Variants in ITGA8 observed in about 807,000 individuals in gnomAD.
ITGA8 encodes the protein integrin alpha-8.
Under a neutral mutation model 142.3 loss-of-function variants are expected in ITGA8, and 91 were observed. The ratio of observed to expected loss-of-function variants is 0.64; its 90% CI spans 0.54 to 0.76. ITGA8 has a LOEUF of 0.76. Among genes scored for constraint, ITGA8 ranks in the 30% least tolerant of loss-of-function variants. The pLI is 0.00. For missense variants in ITGA8, 1,406 were observed against 1,327.7 expected (o/e 1.06, Z -0.92); for synonymous variants, 505 against 485.2 (o/e 1.04, Z -0.54).
intron 15 of ITGA8, among the ~76,000 whole-genome samples, chr10:15,613,206 C>CTAAAT (rs1564374644): frequency 1.6e-5 from 1 of 64,146 alleles, no homozygotes; most frequent in African/African-American, 5.7e-5. Context: ...AATAAATAAA[C>CTAAAT]AGGACATTAT....
intron 27 of ITGA8, among the ~76,000 whole-genome samples, chr10:15,536,165 C>A (rs1833431907): frequency 6.6e-6 from 1 of 152,128 alleles, no homozygotes; most frequent in Non-Finnish European, 1.5e-5. Context: ...GTCGGTGAGA[C>A]CAAGAACCCA....
chr10:15,572,137 A>T lies in ITGA8; in HGVS notation c.2637+74T>A, dbSNP rs1158455612. 9 of 1,292,334 alleles carry T rather than the reference A, an allele frequency of 7.0e-6. No homozygotes were observed. In the Admixed American group the frequency reaches 1.2e-4, roughly 17 times the overall value. The allele number at this position is 1,292,334 out of a possible 1,614,324, so 80.1% of individuals were successfully genotyped here. A position where few individuals can be genotyped will look rare whatever the true frequency, so the allele number is the denominator to read the frequency against. The stretch of plus-strand genomic sequence containing the variant: ...AAACGATTTCACTCTTCTTTTTTAA[A>T]CAAGCCCAGTTTGTATTTTTTTCAT... On this transcript the variant is annotated intron_variant, in intron 25 of 29. Transcript: ENST00000378076.
At chr10:15,654,633 G>A (rs1163323596) in intron 11 of ITGA8, among the ~76,000 whole-genome samples, 1 of 152,158 alleles carries the variant, frequency 6.6e-6, no homozygotes, top group Non-Finnish European at 1.5e-5. Flanking sequence ...TGCTTTCTGT[G>A]AAAATGTGAG....
intron 28 of ITGA8, 42 bp downstream of exon 28, chr10:15,531,008 C>A: frequency 9.6e-7 from 1 of 1,040,282 alleles, no homozygotes; most frequent in South Asian, 1.5e-5. Flanking sequence ...ACAATTATTT[C>A]AATTAAATTA....
At position 15,548,494 on chromosome 10, in the gene ITGA8, C is replaced by A. The variant is rs148943818; in HGVS notation, c.2841G>T (p.Leu947=). ...GRLEGGESAV[L]KVRSRLWAHT... ...GGGCCCATAATCGTGACCTGACTTTCAGGACTGCGCTTTCTCCTCCTTCGA... is the reference window on the plus strand; with the variant it reads ...GGGCCCATAATCGTGACCTGACTTTAAGGACTGCGCTTTCTCCTCCTTCGA... The change falls in exon 27 of 30, where the codon CTG becomes CTT. Residue 947 remains leucine, a synonymous_variant. Transcript: ENST00000378076. 3.8e-5 allele frequency: 61 copies of A among 1,603,724 alleles called. No homozygotes were observed. In the African/African-American group the frequency reaches 8.1e-4, roughly 21 times the overall value.
At position 15,635,729 on chromosome 10, in the gene ITGA8, G is replaced by T. The variant is rs1375605747; in HGVS notation, c.1399+8301C>A. ...TTAGTCAATAAAAACATAATGCTTG[G>T]CTTTTCACACAAAACTTGAGTAGCA... On this transcript the variant is annotated intron_variant, in intron 13 of 29. Transcript: ENST00000378076. Among the ~76,000 whole-genome samples the T allele has an allele frequency of 1.3e-5, 2 of 151,996 alleles. 1 individual carries two copies. Among genetic ancestry groups the T allele is most frequent in the African/African-American group, 4.8e-5 (2 of 41,352 alleles).
At chr10:15,534,102 G>T (rs562746955) in intron 27 of ITGA8, among the ~76,000 whole-genome samples, 1 of 151,934 alleles carries the variant, frequency 6.6e-6, no homozygotes, top group Non-Finnish European at 1.5e-5. Context: ...TAGAGTCAGG[G>T]TATCTCCATG....
rs1489328054 is a variant in ITGA8 at position 15,548,576 on chromosome 10, C to T, written c.2767-8G>A. 2.5e-6 allele frequency: 4 copies of T among 1,573,238 alleles called. No individual in the cohort carries two copies. The South Asian group carries it at 4.5e-5, about 18-fold the overall frequency. ...CTCGATATTTGTACAATTCTGCAAACAGCAGTGGGAACACGTCAGAGTCTT... is the reference window on the plus strand; with the variant it reads ...CTCGATATTTGTACAATTCTGCAAATAGCAGTGGGAACACGTCAGAGTCTT... On this transcript the variant is annotated splice_region_variant and splice_polypyrimidine_tract_variant and intron_variant, in intron 26 of 29. Transcript: ENST00000378076.
rs1346958729 is a variant in ITGA8, at chr10:15,592,251, G to A, written c.2265C>T (p.Ser755=). The change falls in exon 22 of 30, where the codon AGC becomes AGT. Residue 755 remains serine, a synonymous_variant. Coordinates refer to ENST00000378076, the MANE Select transcript of ITGA8 (RefSeq NM_003638.3). ...TTCTGATTTGGAGATCGAAGTTAAT[G>A]CTCATGTTTGTTTTCTCAAGACGTG... is the stretch of plus-strand genomic sequence containing the variant. The part of the protein sequence containing the change: ...AVPRLEKTNM[S]INFDLQIRSS... 2.5e-6 allele frequency: 4 copies of A among 1,613,588 alleles called. No individual in the cohort carries two copies. Among genetic ancestry groups the A allele is most frequent in the Non-Finnish European group, 3.4e-6 (4 of 1,179,664 alleles).
intron 14 of ITGA8, among the ~76,000 whole-genome samples, chr10:15,615,666 A>C (rs576098284): frequency 1.3e-5 from 2 of 152,234 alleles, no homozygotes; most frequent in African/African-American, 4.8e-5. Flanking sequence ...GGCGTGTACC[A>C]CCATGTCCGG....
rs9333133 is a variant in ITGA8 at position 15,655,095 on chromosome 10, C to CTT, written c.1001+258_1001+259insAA. Among the ~76,000 whole-genome samples, 141,274 of 152,184 alleles carry CTT rather than the reference C, an allele frequency of 0.93. 66,315 individuals carry two copies. The highest frequency in any genetic ancestry group is 1 in the Non-Finnish European group (67,817 of 68,032). ...GCTATGAATTTTGAATGGCTGAAGA[C>CTT]TATAAAATTAAAAATAAAACGAAAT... On this transcript the variant is annotated intron_variant, in intron 11 of 29. Transcript: ENST00000378076.
intron 27 of ITGA8, among the ~76,000 whole-genome samples, chr10:15,537,842 G>A (rs560180790): frequency 6.6e-6 from 1 of 152,118 alleles, no homozygotes; most frequent in Non-Finnish European, 1.5e-5. Context: ...AATTGGCTGG[G>A]CACAGTGTCT....
intron 28 of ITGA8, 116 bp downstream of exon 28, chr10:15,530,934 G>A (rs549785889): frequency 3.3e-6 from 2 of 601,502 alleles, no homozygotes; most frequent in Admixed American, 6.9e-5. Flanking sequence ...GTGAGCTGAA[G>A]AGGAAAATTT....
chr10:15,699,129 C>T lies in ITGA8; in HGVS notation c.344-11091G>A, dbSNP rs1361531805. Among the ~76,000 whole-genome samples the T allele has an allele frequency of 2.0e-5, 3 of 152,170 alleles. No homozygotes were observed. In the East Asian group the frequency reaches 5.8e-4, roughly 29 times the overall value. ...TGAAACCTCACCTCTACTAAAAATA[C>T]AAAAAGTAGTTGGGTGTGGTGGCAC... On this transcript the variant is annotated intron_variant, in intron 2 of 29. Coordinates refer to ENST00000378076, the MANE Select transcript of ITGA8 (RefSeq NM_003638.3).
intron 27 of ITGA8, among the ~76,000 whole-genome samples, chr10:15,536,009 G>A (rs570486482): frequency 6.6e-6 from 1 of 152,062 alleles, no homozygotes; most frequent in Middle Eastern, 3.4e-3. Flanking sequence ...AAGGTCCGCA[G>A]CTTCACTCCT....
rs1419767479 is a variant in ITGA8, at chr10:15,515,506, A to G, written c.*1652T>C. 6.6e-6 allele frequency: 1 copy of G among 152,188 alleles called. No homozygotes were observed. The highest frequency in any genetic ancestry group is 2.4e-5 in the African/African-American group (1 of 41,452). 9.4% of individuals were successfully genotyped at this position (152,188 alleles called of 1,614,324 possible). ...TGTGAGCTTGGCTCATCTTTCAAACAAAGCGTGATTGTTGAAATCAGGACA... is the reference window on the plus strand; with the variant it reads ...TGTGAGCTTGGCTCATCTTTCAAACGAAGCGTGATTGTTGAAATCAGGACA... On this transcript the variant is annotated 3_prime_UTR_variant, in exon 30 of 30. Transcript: ENST00000378076.
intron 29 of ITGA8, among the ~76,000 whole-genome samples, chr10:15,517,583 CA>C: frequency 6.6e-6 from 1 of 152,324 alleles, no homozygotes; most frequent in East Asian, 1.9e-4. Flanking sequence ...CTCAGCTTCC[CA>C]AAGTGCTGGG....
intron 26 of ITGA8, among the ~76,000 whole-genome samples, chr10:15,556,021 T>C (rs1347407625): frequency 8.4e-4 from 62 of 74,072 alleles, no homozygotes; most frequent in African/African-American, 3.2e-3. Context: ...TCTCTCTCTT[T>C]TTTTTTTTTT....
chr10:15,696,616 G>A (rs1466630023), intron 2 of ITGA8, among the ~76,000 whole-genome samples: 1 of 152,084 alleles, frequency 6.6e-6, no homozygotes, highest in Non-Finnish European at 1.5e-5. Flanking sequence ...ATTTCATGCT[G>A]AAGTTTGGAA....
Sources: allele counts gnomAD v4.1 joint callset (sites outside exome capture counted in the v4.1 genomes callset), GRCh38; gene constraint gnomAD v4.1.1; transcripts MANE v1.5; gene names NCBI Gene and HGNC (gene_info 2026-07-23, HGNC 2026-07-21).